Variants in CCDC148 observed in about 807,000 individuals in gnomAD.
The protein encoded by CCDC148 is coiled-coil domain-containing protein 148.
In CCDC148, 89 loss-of-function variants were observed where a neutral mutation model predicts 85.7. The ratio of observed to expected loss-of-function variants is 1.04; its 90% CI spans 0.87 to 1.24. The LOEUF (loss-of-function observed/expected upper bound fraction) is 1.24. CCDC148 is among the 50% of genes most tolerant of loss of function. The pLI is 0.00. For missense variants in CCDC148, 692 were observed against 671.7 expected (o/e 1.03, Z -0.33); for synonymous variants, 230 against 213.9 (o/e 1.08, Z -0.66).
At chr2:158,311,003 CAG>C (rs1244931219) in intron 8 of CCDC148, among the ~76,000 whole-genome samples, 1 of 152,010 alleles carries the variant, frequency 6.6e-6, no homozygotes, top group Non-Finnish European at 1.5e-5. Context: ...GGCGGCCGGG[CAG>C]AGGGGCTCCT....
At position 158,433,261 on chromosome 2, in the gene CCDC148, A is replaced by AATATATATATATATAT. The variant is rs375554012; in HGVS notation, c.25+23138_25+23153dup. ...GGCAACAGAGTAAGTCCTTGACTCAAATATATATATATATATAAAACAAAA... is the reference window on the plus strand; with the variant it reads ...GGCAACAGAGTAAGTCCTTGACTCAAATATATATATATATATATATATATATATATATAAAACAAAA... On this transcript the variant is annotated intron_variant, in intron 1 of 13. Transcript: ENST00000283233. 1.8e-3 allele frequency among the ~76,000 whole-genome samples: 219 copies of AATATATATATATATAT among 122,576 alleles called. 10 individuals carry two copies. The highest frequency in any genetic ancestry group is 3.1e-3 in the Admixed American group (39 of 12,396). 80.4% of individuals were successfully genotyped at this position (122,576 alleles called of 152,430 possible). A position where few individuals can be genotyped will look rare whatever the true frequency, so the allele number is the denominator to read the frequency against.
intron 1 of CCDC148, among the ~76,000 whole-genome samples, chr2:158,434,849 A>G (rs561359258): frequency 4.5e-4 from 69 of 152,350 alleles, no homozygotes; most frequent in African/African-American, 1.6e-3. Context: ...TTAGTAGCCA[A>G]TTTGATCAAG....
At position 158,252,315 on chromosome 2, in the gene CCDC148, G is replaced by T. The variant is rs559279997; in HGVS notation, c.1111-1403C>A. ...TTTCTACTCCCGTTTTTTAAATACA[G>T]TTCAGTTTAGCCCACCTACTGCTTA... On this transcript the variant is annotated intron_variant, in intron 9 of 13. Coordinates refer to ENST00000283233, the MANE Select transcript of CCDC148 (RefSeq NM_138803.4). Among the ~76,000 whole-genome samples, 6 of 151,774 alleles carry T rather than the reference G, an allele frequency of 4.0e-5. No individual in the cohort carries two copies. The East Asian group carries it at 9.7e-4, about 24-fold the overall frequency.
In CCDC148 at chr2:158,250,780, T is replaced by C. The variant is rs774158307; in HGVS notation, c.1243A>G (p.Lys415Glu). Residue 415 changes from lysine to glutamate, a missense_variant, in exon 10 of 14, where the codon AAA becomes GAA. Lys to Glu is a moderately conservative substitution (Grantham distance 56). Coordinates refer to ENST00000283233, the MANE Select transcript of CCDC148 (RefSeq NM_138803.4). ...KKELLQRAEK[K>E]KKIKKYWAKK... Reference sequence around the variant, plus strand: ...GACAATAGATTTTTTACTTTTTTTTTCTTCTCTGCTCTTTGCAACAATTCC... The same window carrying C: ...GACAATAGATTTTTTACTTTTTTTTCCTTCTCTGCTCTTTGCAACAATTCC... 50 of 1,555,278 alleles carry C rather than the reference T, an allele frequency of 3.2e-5. No homozygotes were observed. The Admixed American group carries it at 9.6e-4, about 30-fold the overall frequency.
intron 9 of CCDC148, among the ~76,000 whole-genome samples, chr2:158,278,483 C>A (rs13414044): frequency 0.042 from 6,336 of 152,298 alleles, 212 homozygotes; most frequent in African/African-American, 0.089. Flanking sequence ...TATCCTGCAC[C>A]TGGCTGGGAG....
At chr2:158,176,054 T>C (rs571262643) in intron 13 of CCDC148, among the ~76,000 whole-genome samples, 1 of 152,230 alleles carries the variant, frequency 6.6e-6, no homozygotes, top group African/African-American at 2.4e-5. Flanking sequence ...CCGTAAAAAA[T>C]GTTTTATCAT....
intron 2 of CCDC148, 135 bp from the exon 3 acceptor site, chr2:158,345,453 C>A (rs1331429415): frequency 7.5e-6 from 4 of 531,380 alleles, no homozygotes; most frequent in South Asian, 3.0e-5. Flanking sequence ...TCTCCTAACA[C>A]AAAATCTACC....
chr2:158,437,802 G>T (rs146646145), intron 1 of CCDC148, among the ~76,000 whole-genome samples: 26,861 of 152,078 alleles, frequency 0.18, 3,096 homozygotes, highest in Middle Eastern at 0.26. Context: ...AAATCAATGT[G>T]CAAAAAGCAC....
intron 1 of CCDC148, among the ~76,000 whole-genome samples, chr2:158,369,852 C>T (rs1684362953): frequency 6.6e-6 from 1 of 152,090 alleles, no homozygotes; most frequent in African/African-American, 2.4e-5. Context: ...TTCATCAATA[C>T]ATCGTTTGTT....
intron 10 of CCDC148, among the ~76,000 whole-genome samples, chr2:158,229,038 C>G (rs944878474): frequency 6.6e-6 from 1 of 151,866 alleles, no homozygotes; most frequent in African/African-American, 2.4e-5. Flanking sequence ...CAAATACAGG[C>G]AACTTCAGCC....
At chr2:158,445,799 A>G (rs147586654) in intron 1 of CCDC148, among the ~76,000 whole-genome samples, 1 of 150,852 alleles carries the variant, frequency 6.6e-6, no homozygotes, top group African/African-American at 2.4e-5. Context: ...TAGAAAATCT[A>G]TAAGTACAAG....
At chr2:158,284,663 T>C (rs1055714657) in intron 9 of CCDC148, among the ~76,000 whole-genome samples, 2 of 152,222 alleles carry the variant, frequency 1.3e-5, no homozygotes, top group Non-Finnish European at 2.9e-5. Context: ...CTTTCAGGAA[T>C]ACGGCAGAAG....
chr2:158,282,068 A>T (rs1690343459), intron 9 of CCDC148, among the ~76,000 whole-genome samples: 1 of 151,800 alleles, frequency 6.6e-6, no homozygotes, highest in Non-Finnish European at 1.5e-5. Context: ...CCTTTGACAA[A>T]ATTCAACAAC....
At chr2:158,440,095 C>T (rs1180257551) in intron 1 of CCDC148, among the ~76,000 whole-genome samples, 1 of 151,864 alleles carries the variant, frequency 6.6e-6, no homozygotes. Flanking sequence ...TCTTGAACAT[C>T]TGGGCTCAAG....
intron 1 of CCDC148, among the ~76,000 whole-genome samples, chr2:158,360,234 C>T (rs1165808962): frequency 1.3e-5 from 2 of 152,200 alleles, no homozygotes; most frequent in Non-Finnish European, 2.9e-5. Flanking sequence ...GAGGAAGGGG[C>T]AGCTGTGAGC....
chr2:158,425,372 A>T, intron 1 of CCDC148: 1 of 453,972 alleles, frequency 2.2e-6, no homozygotes, highest in African/African-American at 2.0e-5. Context: ...GACATTGAAG[A>T]CTGGTCTTTT....
At chr2:158,337,466 T>C (rs1219653642) in intron 7 of CCDC148, among the ~76,000 whole-genome samples, 1 of 152,204 alleles carries the variant, frequency 6.6e-6, no homozygotes, top group Non-Finnish European at 1.5e-5. Context: ...CATTTAACAA[T>C]TGGAGACTTA....
At chr2:158,416,175 G>C (rs976548561) in intron 1 of CCDC148, among the ~76,000 whole-genome samples, 1 of 152,180 alleles carries the variant, frequency 6.6e-6, no homozygotes, top group African/African-American at 2.4e-5. Flanking sequence ...GGGACACAGG[G>C]AGCAGTGTCC....
At chr2:158,404,262 A>C (rs1483872761) in intron 1 of CCDC148, among the ~76,000 whole-genome samples, 1 of 152,056 alleles carries the variant, frequency 6.6e-6, no homozygotes, top group African/African-American at 2.4e-5. Context: ...ATGGAAGCGC[A>C]CCCTAACCAT....
Sources: allele counts gnomAD v4.1 joint callset (sites outside exome capture counted in the v4.1 genomes callset), GRCh38; gene constraint gnomAD v4.1.1; transcripts MANE v1.5; gene names NCBI Gene and HGNC (gene_info 2026-07-23, HGNC 2026-07-21).